RBFOX1: variants seen among roughly 807,000 people sequenced by gnomAD.
RBFOX1 encodes the protein RNA binding fox-1 homolog 1.
A neutral mutation model predicts 57.7 loss-of-function variants in RBFOX1; 8 were observed. The observed-to-expected ratio is 0.14, with a 90% CI of 0.08 to 0.25. The LOEUF is 0.25. Ranked by LOEUF, RBFOX1 falls within the 10% of genes least tolerant of loss-of-function variation. The pLI, the probability that RBFOX1 is intolerant of heterozygous loss-of-function variation, is 1.00. For missense variants in RBFOX1, 611 were observed against 548.5 expected, an observed-to-expected ratio of 1.11 and a Z score of -1.14; for synonymous variants, 326 against 222.4, an observed-to-expected ratio of 1.47 and a Z score of -4.15.
chr16:6,845,412 C>T lies in RBFOX1; in HGVS notation c.-16+190762C>T, dbSNP rs9940887. Among the ~76,000 whole-genome samples the T allele has an allele frequency of 2.0e-3, 299 of 152,010 alleles. 1 individual carries two copies. Among genetic ancestry groups the T allele is most frequent in the African/African-American group, 6.6e-3 (273 of 41,462 alleles). On this transcript the variant is annotated intron_variant, in intron 3 of 15. Coordinates refer to ENST00000550418, the MANE Select transcript of RBFOX1 (RefSeq NM_018723.4). ...TTTCTGTGTATGGCCAGACAGTTGT[C>T]CCAGCACCATTTATTAAATAGAGAA...
At chr16:6,460,159 C>T (rs1001958114) in intron 2 of RBFOX1, among the ~76,000 whole-genome samples, 2 of 151,870 alleles carry the variant, frequency 1.3e-5, no homozygotes, top group African/African-American at 4.8e-5. Context: ...TCTCATAGTT[C>T]TGGAGGCTGG....
chr16:6,111,319 C>T (rs181282697), intron 1 of RBFOX1, among the ~76,000 whole-genome samples: 4 of 152,152 alleles, frequency 2.6e-5, no homozygotes, highest in Non-Finnish European at 5.9e-5. Flanking sequence ...AAGACTCAAT[C>T]AGCTATCTTG....
intron 3 of RBFOX1, among the ~76,000 whole-genome samples, chr16:6,804,992 C>G (rs1726132398): frequency 6.6e-6 from 1 of 152,184 alleles, no homozygotes; most frequent in Non-Finnish European, 1.5e-5. Context: ...GGCAATTCAT[C>G]AAAGATCTGA....
intron 2 of RBFOX1, among the ~76,000 whole-genome samples, chr16:6,596,343 C>A (rs2097776562): frequency 1.3e-5 from 2 of 152,048 alleles, no homozygotes; most frequent in Non-Finnish European, 2.9e-5. Context: ...ATCCAGTTAC[C>A]CCAGCACCAT....
rs4039609 is a variant in RBFOX1, at chr16:5,427,583, TCAAAACAAAACAAAACAAAA to T, written c.220-39608_220-39589del. 3.4e-4 allele frequency among the ~76,000 whole-genome samples: 50 copies of T among 148,734 alleles called. No homozygotes were observed. The East Asian group carries it at 3.6e-3, about 11-fold the overall frequency. On this transcript the variant is annotated intron_variant, in intron 1 of 2. Transcript: ENST00000585867. ...CTGGGCAACAGAGTGAGACTCTGTC[TCAAAACAAAACAAAACAAAA>T]CAAAACAAAACAAAACAAAACAAAT...
At chr16:5,305,101 G>C (rs2063901181) in intron 1 of RBFOX1, among the ~76,000 whole-genome samples, 1 of 152,158 alleles carries the variant, frequency 6.6e-6, no homozygotes, top group Non-Finnish European at 1.5e-5. Context: ...GATACTGAAC[G>C]AAGGTGGTGC....
At chr16:5,862,455 A>G (rs991072338) in intron 3 of RBFOX1, among the ~76,000 whole-genome samples, 4 of 152,066 alleles carry the variant, frequency 2.6e-5, no homozygotes, top group Non-Finnish European at 5.9e-5. Context: ...TCCCTACTGT[A>G]AATACTGGAG....
chr16:5,643,095 T>C (rs1243496605), intron 3 of RBFOX1, among the ~76,000 whole-genome samples: 1 of 152,196 alleles, frequency 6.6e-6, no homozygotes, highest in Non-Finnish European at 1.5e-5. Flanking sequence ...AGGCTCCGTG[T>C]TAACCTCTAA....
chr16:6,425,284 G>C (rs2093892908), intron 2 of RBFOX1, among the ~76,000 whole-genome samples: 1 of 152,136 alleles, frequency 6.6e-6, no homozygotes, highest in Non-Finnish European at 1.5e-5. Context: ...GTAACATTGG[G>C]CTCTCACTTT....
intron 4 of RBFOX1, among the ~76,000 whole-genome samples, chr16:7,404,338 C>G (rs975923037): frequency 1.3e-5 from 2 of 152,146 alleles, no homozygotes; most frequent in Non-Finnish European, 2.9e-5. Flanking sequence ...CAGGCATAAG[C>G]CACCGTGCCC....
chr16:7,025,058 T>C (rs893054988), intron 3 of RBFOX1, among the ~76,000 whole-genome samples: 85 of 152,022 alleles, frequency 5.6e-4, no homozygotes, highest in Non-Finnish European at 1.0e-4. Flanking sequence ...AAGACAAGAG[T>C]TGAGGGCGTG....
At chr16:6,501,039 A>T (rs1188428926) in intron 2 of RBFOX1, among the ~76,000 whole-genome samples, 1 of 151,180 alleles carries the variant, frequency 6.6e-6, no homozygotes, top group African/African-American at 2.4e-5. Flanking sequence ...GGATGGTCTC[A>T]CTGCCCATGG....
chr16:7,110,721 TA>T (rs2064575006), intron 4 of RBFOX1, among the ~76,000 whole-genome samples: 1 of 152,254 alleles, frequency 6.6e-6, no homozygotes, highest in South Asian at 2.1e-4. Flanking sequence ...ATTAATAGCC[TA>T]AAAACAAGAT....
intron 2 of RBFOX1, among the ~76,000 whole-genome samples, chr16:6,507,396 C>A (rs1421931371): frequency 1.3e-5 from 2 of 148,156 alleles, no homozygotes; most frequent in East Asian, 4.0e-4. Context: ...AAGGGCTGGG[C>A]ATGGAGGCTA....
chr16:6,549,788 T>A (rs532134313), intron 2 of RBFOX1, among the ~76,000 whole-genome samples: 1 of 151,954 alleles, frequency 6.6e-6, no homozygotes, highest in Non-Finnish European at 1.5e-5. Context: ...AGATGTAGAA[T>A]GGGGCAAGGG....
chr16:5,701,103 A>G (rs2051031499), intron 3 of RBFOX1, among the ~76,000 whole-genome samples: 1 of 117,972 alleles, frequency 8.5e-6, no homozygotes. Context: ...TGATGATACC[A>G]GAAAATGCCT....
At chr16:5,518,325 G>C (rs192409206) in intron 2 of RBFOX1, among the ~76,000 whole-genome samples, 120 of 150,884 alleles carry the variant, frequency 8.0e-4, no homozygotes, top group African/African-American at 2.8e-3. Context: ...AAGCCCCATT[G>C]TTCCACCATT....
chr16:5,459,479 G>T (rs963557), intron 1 of RBFOX1, among the ~76,000 whole-genome samples: 23,179 of 152,046 alleles, frequency 0.15, 1,862 homozygotes, highest in Middle Eastern at 0.26. Context: ...CCTCCTCTCT[G>T]AATCCCAGGC....
intron 1 of RBFOX1, among the ~76,000 whole-genome samples, chr16:5,393,282 C>T (rs565282529): frequency 2.0e-5 from 3 of 152,174 alleles, no homozygotes; most frequent in Admixed American, 6.5e-5. Flanking sequence ...ATTAGTCATT[C>T]ATCACATGGA....
Sources: gnomAD v4.1 joint callset for allele counts (sites outside exome capture counted in the v4.1 genomes callset) on GRCh38, gnomAD v4.1.1 for gene constraint, MANE v1.5 for transcripts, NCBI Gene and HGNC (gene_info 2026-07-23, HGNC 2026-07-21) for gene names.